The following DNM2 variants were observed in gnomAD, a reference collection of about 807,000 sequenced individuals.
DNM2 encodes dynamin 2, also known as dynamin-2.
DNM2 carries 15 observed loss-of-function variants against 99.0 expected under a neutral mutation model. The observed-to-expected ratio is 0.15, with a 90% CI of 0.10 to 0.23. DNM2 has a LOEUF of 0.23. DNM2 is among the 10% of genes least tolerant of loss of function. DNM2 has a pLI of 1.00. For synonymous variants in DNM2, 525 were observed against 481.2 expected (o/e 1.09, Z -1.19); for missense variants, 742 against 1,189.4 (o/e 0.62, Z 5.53).
At chr19:10,825,712 G>A (rs867288763) in intron 18 of DNM2, among the ~76,000 whole-genome samples, 2 of 150,676 alleles carry the variant, frequency 1.3e-5, no homozygotes, top group Non-Finnish European at 3.0e-5. Flanking sequence ...AAAAGTAGCC[G>A]GGCATGGTGG....
intron 2 of DNM2, among the ~76,000 whole-genome samples, chr19:10,771,319 C>T (rs1161586173): frequency 6.6e-6 from 1 of 152,182 alleles, no homozygotes; most frequent in African/African-American, 2.4e-5. Context: ...CCTGGTGGGA[C>T]CCACACTGCT....
At chr19:10,757,203 G>A (rs925974413) in intron 1 of DNM2, among the ~76,000 whole-genome samples, 5 of 152,096 alleles carry the variant, frequency 3.3e-5, no homozygotes, top group East Asian at 1.9e-4. Context: ...TGCCCATCAC[G>A]ATCCCTTTTC....
chr19:10,814,760 A>G (rs1599607593), intron 15 of DNM2, among the ~76,000 whole-genome samples: 1 of 152,226 alleles, frequency 6.6e-6, no homozygotes, highest in East Asian at 1.9e-4. Context: ...ACTTAACATA[A>G]TGACCTCCAG....
At chr19:10,751,918 G>A (rs1393585797) in intron 1 of DNM2, among the ~76,000 whole-genome samples, 7 of 152,208 alleles carry the variant, frequency 4.6e-5, no homozygotes, top group African/African-American at 9.6e-5. Context: ...TTGGCCAGTC[G>A]CCATGAGAGC....
At position 10,795,298 on chromosome 19, in the gene DNM2, G is replaced by T; in HGVS notation, c.1129-74G>T. On this transcript the variant is annotated intron_variant, in intron 8 of 20. Coordinates refer to ENST00000389253, the MANE Select transcript of DNM2 (RefSeq NM_001005361.3). The surrounding 1 kb of genome is among the most constrained non-coding windows in gnomAD (Gnocchi z 4.2). Reference sequence around the variant, plus strand: ...AATATAGCCACACGTGGGAGAGAACGTTCCCCAGATGCACGCCTGCCACGG... The same window carrying T: ...AATATAGCCACACGTGGGAGAGAACTTTCCCCAGATGCACGCCTGCCACGG... The T allele has an allele frequency of 7.1e-7, 1 of 1,398,842 alleles. No individual in the cohort carries two copies. Among genetic ancestry groups the T allele is most frequent in the Non-Finnish European group, 1.0e-6 (1 of 984,670 alleles). 86.7% of individuals were successfully genotyped at this position (1,398,842 alleles called of 1,614,324 possible).
intron 1 of DNM2, among the ~76,000 whole-genome samples, chr19:10,743,855 C>T (rs993430371): frequency 3.5e-5 from 5 of 143,108 alleles, no homozygotes; most frequent in Non-Finnish European, 6.0e-5. Flanking sequence ...TGTGTGGTGG[C>T]GTGCGCCTGT....
chr19:10,725,925 A>C (rs11669339), intron 1 of DNM2, among the ~76,000 whole-genome samples: 6,994 of 152,022 alleles, frequency 0.046, 190 homozygotes, highest in African/African-American at 0.073. Context: ...GGCTAATTAC[A>C]AAAAAATTTT....
chr19:10,815,478 G>T (rs1208949732), intron 15 of DNM2, among the ~76,000 whole-genome samples: 1 of 152,192 alleles, frequency 6.6e-6, no homozygotes, highest in African/African-American at 2.4e-5. Flanking sequence ...GGGAACCAGT[G>T]GGGGAATTCT....
chr19:10,777,301 C>A, intron 5 of DNM2, 85 bp downstream of exon 5: 1 of 1,279,224 alleles, frequency 7.8e-7, no homozygotes, highest in Non-Finnish European at 1.1e-6. Flanking sequence ...TCCCTGCCTG[C>A]CTGGAAGTCA....
At chr19:10,819,894 G>A in intron 15 of DNM2, 86 bp from the exon 16 acceptor site, 11 of 1,239,582 alleles carry the variant, frequency 8.9e-6, no homozygotes, top group Non-Finnish European at 1.1e-5. Context: ...CGGGGCTGGT[G>A]GTGGCGCATG....
At chr19:10,720,337 C>A (rs919722226) in intron 1 of DNM2, among the ~76,000 whole-genome samples, 1 of 151,704 alleles carries the variant, frequency 6.6e-6, no homozygotes, top group Non-Finnish European at 1.5e-5. Context: ...CTCAGCCTCC[C>A]GAGTAGCTGG....
Position 10,793,716 on chromosome 19 carries a change from A to G in DNM2, c.993-4A>G. On this transcript the variant is annotated splice_polypyrimidine_tract_variant and splice_region_variant and intron_variant, in intron 7 of 20. Transcript: ENST00000389253. ...TGATGCTTGCTTTTTCCTTTTCCTC[A>G]TAGGATGGTCCAGCAGTTTGGGGTG... The G allele has an allele frequency of 1.9e-6, 3 of 1,614,084 alleles. No homozygotes were observed. The highest frequency in any genetic ancestry group is 2.5e-6 in the Non-Finnish European group (3 of 1,180,020).
chr19:10,801,999 G>A (rs1457150987), intron 11 of DNM2, among the ~76,000 whole-genome samples: 2 of 151,994 alleles, frequency 1.3e-5, no homozygotes, highest in East Asian at 3.9e-4. Flanking sequence ...GCTCAGTAAC[G>A]TGAGGCCCAG....
At chr19:10,821,361 A>G (rs1404239603) in intron 16 of DNM2, among the ~76,000 whole-genome samples, 1 of 152,164 alleles carries the variant, frequency 6.6e-6, no homozygotes, top group Admixed American at 6.5e-5. Context: ...TAGTAGCTGC[A>G]AAAACAAGAT....
intron 13 of DNM2, among the ~76,000 whole-genome samples, chr19:10,807,670 T>G (rs916507214): frequency 6.8e-6 from 1 of 146,842 alleles, no homozygotes; most frequent in Admixed American, 6.9e-5. Flanking sequence ...TGCCTCAGCC[T>G]TCTGAGTAGC....
rs1039592560 is a variant in DNM2 at position 10,795,431 on chromosome 19, T to C, written c.1188T>C (p.His396=). 5.6e-6 allele frequency: 9 copies of C among 1,614,046 alleles called. No homozygotes were observed. The highest frequency in any genetic ancestry group is 7.6e-6 in the Non-Finnish European group (9 of 1,180,012). Residue 396 remains histidine (H), a synonymous_variant, in exon 9 of 21, where the codon CAT becomes CAC. Transcript: ENST00000389253. This position sits in a 1 kb window ranked among gnomAD's most constrained non-coding sequence, Gnocchi z 4.2. ...REISYAIKNI[H]GVRTGLFTPD... ...TCAGCTATGCCATTAAGAACATCCA[T>C]GGAGTCAGGCAAGTTCCACGAGGAG... is the stretch of plus-strand genomic sequence containing the variant.
intron 1 of DNM2, among the ~76,000 whole-genome samples, chr19:10,730,363 C>T (rs1314997472): frequency 6.6e-6 from 1 of 152,114 alleles, no homozygotes; most frequent in Non-Finnish European, 1.5e-5. Flanking sequence ...GTACTCTTAG[C>T]TACTTGGAAT....
At chr19:10,797,873 G>T (rs533294956) in intron 10 of DNM2, among the ~76,000 whole-genome samples, 1 of 152,244 alleles carries the variant, frequency 6.6e-6, no homozygotes, top group East Asian at 1.9e-4. Flanking sequence ...CACAGTCTAG[G>T]CCACCTGAGA....
chr19:10,727,452 A>C (rs996549156), intron 1 of DNM2, among the ~76,000 whole-genome samples: 3 of 151,880 alleles, frequency 2.0e-5, no homozygotes, highest in African/African-American at 7.3e-5. Flanking sequence ...AGCAACCTCA[A>C]CTTCCTGGGC....
Sources: gnomAD v4.1 joint callset for allele counts (sites outside exome capture counted in the v4.1 genomes callset) on GRCh38, gnomAD v4.1.1 for gene constraint, Gnocchi (gnomAD v3.1) non-coding constraint, MANE v1.5 for transcripts, NCBI Gene and HGNC (gene_info 2026-07-23, HGNC 2026-07-21) for gene names.